PCNX2: variants seen among roughly 807,000 people sequenced by gnomAD.
PCNX2 encodes pecanex-like protein 2.
Under a neutral mutation model 223.8 loss-of-function variants are expected in PCNX2, and 168 were observed. That is an observed-to-expected ratio of 0.75 (90% CI 0.66 to 0.85). The LOEUF (loss-of-function observed/expected upper bound fraction) is 0.85, where lower values mean the gene tolerates loss of function less well. PCNX2 is among the 40% of genes least tolerant of loss of function. PCNX2 has a pLI of 0.00. For synonymous variants in PCNX2, 1,006 were observed against 1,052.6 expected, an observed-to-expected ratio of 0.96 and a Z score of 0.86; for missense variants, 2,507 against 2,675.5, an observed-to-expected ratio of 0.94 and a Z score of 1.39.
At chr1:233,317,605 T>C in the PCNX2 span, among the ~76,000 whole-genome samples, 1 of 152,024 alleles carries the variant, frequency 6.6e-6, no homozygotes, top group Non-Finnish European at 1.5e-5. Context: ...CTAAGGAAAA[T>C]GTTTAAATTT....
chr1:233,151,850 T>A (rs943431892), intron 19 of PCNX2, among the ~76,000 whole-genome samples: 1 of 152,184 alleles, frequency 6.6e-6, no homozygotes, highest in African/African-American at 2.4e-5. Context: ...AATTTTTGTA[T>A]TTTTAGTAGA....
At chr1:233,292,202 C>CTTTTTTTTTTTTTTT (rs963996089) in intron 1 of PCNX2, among the ~76,000 whole-genome samples, 1 of 109,488 alleles carries the variant, frequency 9.1e-6, no homozygotes, top group Non-Finnish European at 1.8e-5. Flanking sequence ...TTCTTTCTTT[C>CTTTTTTTTTTTTTTT]TTTTTTTTTT....
At chr1:233,295,866 C>G (rs929230049), upstream of PCNX2, 1 of 211,658 alleles carries the variant, frequency 4.7e-6, no homozygotes. The surrounding 1 kb of genome is among the most constrained non-coding windows in gnomAD (Gnocchi z 4.1). Context: ...TTCTTTCTCT[C>G]TTTCTCTTTT....
At chr1:233,100,417 C>CAAAAA (rs5781726) in intron 21 of PCNX2, among the ~76,000 whole-genome samples, 10 of 81,050 alleles carry the variant, frequency 1.2e-4, no homozygotes, top group East Asian at 3.5e-4. Flanking sequence ...GATTCTGTCT[C>CAAAAA]AAAAAAAAAA....
intron 17 of PCNX2, chr1:233,172,545 G>GA (rs1437034643): frequency 4.3e-5 from 42 of 985,246 alleles, no homozygotes; most frequent in Non-Finnish European, 1.2e-6. Context: ...CTCTGAGAGT[G>GA]TGGCACTTTG....
intron 33 of PCNX2, chr1:232,985,752 A>G: frequency 1.8e-6 from 1 of 556,626 alleles, no homozygotes; most frequent in Non-Finnish European, 3.2e-6. Context: ...TCATGTGAGA[A>G]GAGTCCTGCT....
Position 233,025,005 on chromosome 1 carries a change from A to G in PCNX2, c.4605+141T>C, listed in dbSNP as rs554574330. On this transcript the variant is annotated intron_variant, in intron 26 of 33. Coordinates refer to ENST00000258229, the MANE Select transcript of PCNX2 (RefSeq NM_014801.4). Reference sequence around the variant, plus strand: ...GCCCTCTAGGATTTTTCCAAAAGCAATGGTTCCCCAGATGGCTGGGTTTCC... The same window carrying G: ...GCCCTCTAGGATTTTTCCAAAAGCAGTGGTTCCCCAGATGGCTGGGTTTCC... The G allele has an allele frequency of 1.3e-4, 147 of 1,163,274 alleles. No individual in the cohort carries two copies. The African/African-American group carries it at 1.6e-3, about 13-fold the overall frequency. The allele number at this position is 1,163,274 out of a possible 1,614,324, so 72.1% of individuals were successfully genotyped here. A position where few individuals can be genotyped will look rare whatever the true frequency, so the allele number is the denominator to read the frequency against.
At chr1:233,303,941 T>C in the PCNX2 span, among the ~76,000 whole-genome samples, 3 of 152,252 alleles carry the variant, frequency 2.0e-5, no homozygotes, top group African/African-American at 7.2e-5. Context: ...TCTGATAATC[T>C]TTGACTTTAA....
intron 15 of PCNX2, among the ~76,000 whole-genome samples, chr1:233,189,133 GTAC>G (rs1193047103): frequency 6.6e-6 from 1 of 152,132 alleles, no homozygotes; most frequent in East Asian, 1.9e-4. Context: ...CATGCGGTAG[GTAC>G]TACTAATCCA....
At chr1:233,205,370 T>G (rs1681381115) in intron 13 of PCNX2, among the ~76,000 whole-genome samples, 1 of 152,196 alleles carries the variant, frequency 6.6e-6, no homozygotes, top group Non-Finnish European at 1.5e-5. Context: ...ATTCCAAAAG[T>G]TATTTGTACA....
chr1:233,045,649 C>A (rs147410242), intron 25 of PCNX2, among the ~76,000 whole-genome samples: 2 of 152,176 alleles, frequency 1.3e-5, no homozygotes, highest in African/African-American at 4.8e-5. Context: ...AGAGCACACA[C>A]GTGAAATCTT....
chr1:233,156,579 C>A (rs569146666), intron 19 of PCNX2, among the ~76,000 whole-genome samples: 2 of 152,088 alleles, frequency 1.3e-5, no homozygotes, highest in South Asian at 4.1e-4. Flanking sequence ...GGAATCTATT[C>A]AGGTTTAGGT....
rs370658282 is a variant in PCNX2 at position 233,156,849 on chromosome 1, C to T, written c.3517+3434G>A. ...AGGAGAATCACTTGAACCCAGGAGG[C>T]AGAGGTTGCAGTGAGCCGAGATTGC... On this transcript the variant is annotated intron_variant, in intron 19 of 33. Coordinates refer to ENST00000258229, the MANE Select transcript of PCNX2 (RefSeq NM_014801.4). Among the ~76,000 whole-genome samples the T allele has an allele frequency of 4.1e-4, 63 of 152,172 alleles. No homozygotes were observed. In the East Asian group the frequency reaches 0.01, roughly 25 times the overall value.
chr1:233,316,301 C>A, the PCNX2 span, among the ~76,000 whole-genome samples: 1 of 152,212 alleles, frequency 6.6e-6, no homozygotes, highest in Non-Finnish European at 1.5e-5. Flanking sequence ...AAAGCTTTGA[C>A]ACTAACAACA....
chr1:233,025,115 T>C lies in PCNX2; in HGVS notation c.4605+31A>G, dbSNP rs775304861. The C allele has an allele frequency of 8.1e-6, 13 of 1,609,216 alleles. No homozygotes were observed. The South Asian group carries it at 1.4e-4, about 18-fold the overall frequency. Reference sequence around the variant, plus strand: ...GCTTCCTGTGCCATCCTAGCATTTCTGCCTTAGGTGTTTGGGAAACAGAGC... The same window carrying C: ...GCTTCCTGTGCCATCCTAGCATTTCCGCCTTAGGTGTTTGGGAAACAGAGC... On this transcript the variant is annotated intron_variant, in intron 26 of 33. Transcript: ENST00000258229.
chr1:233,077,776 T>C (rs1373109803), intron 23 of PCNX2, among the ~76,000 whole-genome samples: 1 of 152,186 alleles, frequency 6.6e-6, no homozygotes, highest in African/African-American at 2.4e-5. Context: ...TTTTTTCTAA[T>C]TCTCATGTAT....
intron 8 of PCNX2, among the ~76,000 whole-genome samples, chr1:233,250,300 T>C (rs575773543): frequency 7.2e-5 from 11 of 152,346 alleles, no homozygotes; most frequent in African/African-American, 2.4e-4. Flanking sequence ...AAGAAAGTTA[T>C]TCAAAGCATT....
intron 10 of PCNX2, among the ~76,000 whole-genome samples, chr1:233,223,259 G>T (rs1055207623): frequency 5.3e-5 from 8 of 152,130 alleles, no homozygotes; most frequent in Non-Finnish European, 7.3e-5. Context: ...GAAAAAGATG[G>T]AATCAACGGT....
intron 27 of PCNX2, among the ~76,000 whole-genome samples, chr1:233,015,618 G>A (rs540491747): frequency 4.5e-4 from 69 of 152,192 alleles, no homozygotes; most frequent in South Asian, 1.9e-3. Context: ...GCTGGAACCC[G>A]GGGGGCAGAG....
Sources: gnomAD v4.1 joint callset for allele counts (sites outside exome capture counted in the v4.1 genomes callset) on GRCh38, gnomAD v4.1.1 for gene constraint, Gnocchi (gnomAD v3.1) non-coding constraint, MANE v1.5 for transcripts, NCBI Gene and HGNC (gene_info 2026-07-23, HGNC 2026-07-21) for gene names.